Variants in NKAIN3 observed in about 807,000 individuals in gnomAD.
NKAIN3 encodes the protein sodium/potassium-transporting ATPase subunit beta-1-interacting protein 3.
Under a neutral mutation model 30.2 loss-of-function variants are expected in NKAIN3, and 25 were observed. The ratio of observed to expected loss-of-function variants is 0.83; its 90% CI spans 0.60 to 1.16. NKAIN3 has a LOEUF of 1.16. Among genes scored for constraint, NKAIN3 ranks in the 50% most tolerant of loss-of-function variants. NKAIN3 has a pLI of 0.00. For missense variants in NKAIN3, 225 were observed against 254.1 expected (o/e 0.89, Z 0.78); for synonymous variants, 91 against 89.6 (o/e 1.02, Z -0.09).
chr8:62,736,542 C>G (rs189637684), intron 3 of NKAIN3, among the ~76,000 whole-genome samples: 2 of 152,260 alleles, frequency 1.3e-5, no homozygotes, highest in East Asian at 3.9e-4. Flanking sequence ...ACCGTGCCCA[C>G]GCAACAGCAC....
At position 62,907,832 on chromosome 8, in the gene NKAIN3, G is replaced by A. The variant is rs754095405; in HGVS notation, c.472-10621G>A. 3.3e-5 allele frequency among the ~76,000 whole-genome samples: 5 copies of A among 152,320 alleles called. No individual in the cohort carries two copies. The South Asian group carries it at 8.3e-4, about 25-fold the overall frequency. ...TGTGCTGCAGGAGCACAGCCCTCAA[G>A]GAGAATCTCTGCTAGTGCAGTGCAC... On this transcript the variant is annotated intron_variant, in intron 4 of 6. Transcript: ENST00000623646.
At chr8:62,874,012 T>G (rs913394879) in intron 4 of NKAIN3, among the ~76,000 whole-genome samples, 1 of 151,246 alleles carries the variant, frequency 6.6e-6, no homozygotes, top group African/African-American at 2.4e-5. Flanking sequence ...GATAGAGACA[T>G]GAAAAACCCT....
chr8:62,829,742 T>TGATAGATAGATA (rs57301851), intron 4 of NKAIN3, among the ~76,000 whole-genome samples: 5,070 of 150,368 alleles, frequency 0.034, 91 homozygotes, highest in African/African-American at 0.056. Context: ...GATAGATAGA[T>TGATAGATAGATA]GATAGATAGA....
At chr8:62,310,169 A>G (rs1814381743) in intron 1 of NKAIN3, among the ~76,000 whole-genome samples, 1 of 150,460 alleles carries the variant, frequency 6.6e-6, no homozygotes, top group South Asian at 2.1e-4. Flanking sequence ...AGAGACAATA[A>G]CATGCTGAAA....
chr8:62,858,603 G>T (rs1315930197), intron 4 of NKAIN3, among the ~76,000 whole-genome samples: 1 of 152,224 alleles, frequency 6.6e-6, no homozygotes, highest in Admixed American at 6.5e-5. Flanking sequence ...GGAATGGTTT[G>T]AGGTCCAGCT....
chr8:62,928,787 G>C (rs1205737388), intron 5 of NKAIN3, among the ~76,000 whole-genome samples: 1 of 152,230 alleles, frequency 6.6e-6, no homozygotes, highest in Non-Finnish European at 1.5e-5. Flanking sequence ...GTCATTGAGT[G>C]TTGCTCAGAG....
rs1487034110 is a variant in NKAIN3 at position 62,644,012 on chromosome 8, T to C, written c.273+54218T>C. On this transcript the variant is annotated intron_variant, in intron 3 of 6. Transcript: ENST00000623646. ...ATGCTCTCTGGGTTCCAGTTAGTTT[T>C]GGTGAATAAGAAGACCCAGTAATGG... 2.0e-5 allele frequency among the ~76,000 whole-genome samples: 3 copies of C among 152,116 alleles called. No individual in the cohort carries two copies. In the East Asian group the frequency reaches 5.8e-4, roughly 29 times the overall value.
intron 1 of NKAIN3, among the ~76,000 whole-genome samples, chr8:62,374,439 C>T (rs1053921017): frequency 6.6e-6 from 1 of 152,136 alleles, no homozygotes; most frequent in Non-Finnish European, 1.5e-5. Context: ...AGGAGTGATG[C>T]AGTACATCAG....
intron 1 of NKAIN3, among the ~76,000 whole-genome samples, chr8:62,272,764 T>C (rs1271534567): frequency 6.6e-6 from 1 of 152,182 alleles, no homozygotes; most frequent in East Asian, 1.9e-4. Context: ...GCCTGCCAAG[T>C]GGTATAAATA....
At position 62,975,229 on chromosome 8, in the gene NKAIN3, G is replaced by A. The variant is rs955633226; in HGVS notation, c.*9822G>A. Among the ~76,000 whole-genome samples the A allele has an allele frequency of 1.3e-4, 20 of 152,194 alleles. No individual in the cohort carries two copies. Among genetic ancestry groups the A allele is most frequent in the African/African-American group, 4.8e-4 (20 of 41,548 alleles). On this transcript the variant is annotated 3_prime_UTR_variant, in exon 7 of 7. Transcript: ENST00000623646. ...TCTACTGTTTGGAATAGTTTCAGAA[G>A]GAATGGTACCAGCTCCTCTTTGTAA...
At chr8:62,616,070 C>A (rs1436790692) in intron 3 of NKAIN3, among the ~76,000 whole-genome samples, 1 of 152,076 alleles carries the variant, frequency 6.6e-6, no homozygotes, top group Non-Finnish European at 1.5e-5. Context: ...TGAAATTCTT[C>A]TAATTTAAAT....
chr8:62,806,689 G>A (rs1480373531), intron 4 of NKAIN3, among the ~76,000 whole-genome samples: 1 of 151,842 alleles, frequency 6.6e-6, no homozygotes, highest in Non-Finnish European at 1.5e-5. Flanking sequence ...AGCATTAGGA[G>A]ATATACCTAA....
At chr8:62,284,893 C>T (rs1171232703) in intron 1 of NKAIN3, among the ~76,000 whole-genome samples, 1 of 152,104 alleles carries the variant, frequency 6.6e-6, no homozygotes, top group Non-Finnish European at 1.5e-5. Flanking sequence ...CATCTGAGTT[C>T]AGTGGTTCAG....
chr8:62,985,840 T>C (rs1406595179), downstream of NKAIN3, among the ~76,000 whole-genome samples: 1 of 152,160 alleles, frequency 6.6e-6, no homozygotes, highest in Non-Finnish European at 1.5e-5. Context: ...CAACTTTATT[T>C]AAAAGGAAGC....
intron 1 of NKAIN3, among the ~76,000 whole-genome samples, chr8:62,489,448 A>G (rs1807004270): frequency 6.6e-6 from 1 of 152,220 alleles, no homozygotes; most frequent in Admixed American, 6.5e-5. Flanking sequence ...TATCTTATAT[A>G]GGAACATGTC....
rs1201574533 is a variant in NKAIN3 at position 62,864,101 on chromosome 8, G to A, written c.472-54352G>A. ...CTCATTCCGACGCGGCGCAAGCGGG[G>A]CTACAGGGGCTTCGCGGAGGTGATG... On this transcript the variant is annotated intron_variant, in intron 4 of 6. Transcript: ENST00000623646. 12 of 634,590 alleles carry A rather than the reference G, an allele frequency of 1.9e-5. 1 individual carries two copies. The South Asian group carries it at 2.1e-4, about 11-fold the overall frequency. The allele number at this position is 634,590 out of a possible 1,614,324, so 39.3% of individuals were successfully genotyped here.
intron 1 of NKAIN3, among the ~76,000 whole-genome samples, chr8:62,390,059 G>A (rs920948594): frequency 5.9e-5 from 9 of 152,004 alleles, no homozygotes; most frequent in African/African-American, 1.9e-4. Context: ...AGGGGTATAT[G>A]TGTCGGCATC....
intron 5 of NKAIN3, among the ~76,000 whole-genome samples, chr8:62,950,779 CA>C (rs1265037186): frequency 2.0e-5 from 3 of 150,308 alleles, no homozygotes; most frequent in Non-Finnish European, 4.4e-5. Context: ...GTTGCCCTGG[CA>C]CTTTATCTGG....
intron 1 of NKAIN3, among the ~76,000 whole-genome samples, chr8:62,406,733 C>T (rs891730101): frequency 1.3e-5 from 2 of 152,148 alleles, no homozygotes; most frequent in Admixed American, 6.5e-5. Flanking sequence ...ACACCAAATA[C>T]TTAAGAATAT....
Sources: allele counts gnomAD v4.1 joint callset (sites outside exome capture counted in the v4.1 genomes callset), GRCh38; gene constraint gnomAD v4.1.1; transcripts MANE v1.5; gene names NCBI Gene and HGNC (gene_info 2026-07-23, HGNC 2026-07-21).